SVIL: variants seen among roughly 807,000 people sequenced by gnomAD.
SVIL encodes archvillin.
In SVIL, 101 loss-of-function variants were observed where a neutral mutation model predicts 240.4. The ratio of observed to expected loss-of-function variants is 0.42; its 90% CI spans 0.36 to 0.50. SVIL has a LOEUF of 0.50. Ranked by LOEUF, SVIL falls within the 20% of genes least tolerant of loss-of-function variation. The pLI is 0.01. For missense variants in SVIL, 2,512 were observed against 2,818.7 expected, an observed-to-expected ratio of 0.89 and a Z score of 2.46; for synonymous variants, 999 against 1,100.0, an observed-to-expected ratio of 0.91 and a Z score of 1.82.
intron 17 of SVIL, among the ~76,000 whole-genome samples, chr10:29,506,677 C>T (rs61849283): frequency 0.21 from 23,949 of 112,116 alleles, 1,857 homozygotes; most frequent in African/African-American, 0.23. Context: ...GACAGAGGCC[C>T]TATGAGGGAG....
chr10:29,601,107 A>C lies in SVIL; in HGVS notation c.-200-31795T>G, dbSNP rs78908295. 9.7e-3 allele frequency among the ~76,000 whole-genome samples: 1,477 copies of C among 152,324 alleles called. 18 individuals carry two copies. The highest frequency in any genetic ancestry group is 0.017 in the Non-Finnish European group (1,124 of 68,036). ...TTGTGGTTTTCATCCTATCTCAGAA[A>C]TATGTGACTACAATTATAGACATTG... On this transcript the variant is annotated intron_variant, in intron 1 of 37. Coordinates refer to ENST00000355867, the MANE Select transcript of SVIL (RefSeq NM_021738.3).
intron 1 of SVIL, among the ~76,000 whole-genome samples, chr10:29,599,908 C>T (rs1407824875): frequency 1.3e-5 from 2 of 151,918 alleles, no homozygotes; most frequent in Non-Finnish European, 2.9e-5. Flanking sequence ...GTTTGCTATC[C>T]TAATGGAAGA....
At chr10:29,721,975 C>T (rs1397694580) in intron 1 of SVIL, among the ~76,000 whole-genome samples, 1 of 152,114 alleles carries the variant, frequency 6.6e-6, no homozygotes, top group Non-Finnish European at 1.5e-5. Context: ...TGGTGGCTCA[C>T]GCTTATAATC....
intron 1 of SVIL, among the ~76,000 whole-genome samples, chr10:29,693,256 C>A (rs745839871): frequency 3.3e-5 from 5 of 150,256 alleles, no homozygotes; most frequent in Non-Finnish European, 7.4e-5. Context: ...TGGCCCGAAT[C>A]CATAATTCTC....
intron 33 of SVIL, among the ~76,000 whole-genome samples, chr10:29,466,460 G>A (rs1310789736): frequency 6.6e-6 from 1 of 152,154 alleles, no homozygotes; most frequent in Non-Finnish European, 1.5e-5. Context: ...GGCCCGAGCT[G>A]ATACATGCTA....
At chr10:29,563,862 C>T (rs571958448) in intron 2 of SVIL, among the ~76,000 whole-genome samples, 1 of 142,602 alleles carries the variant, frequency 7.0e-6, no homozygotes, top group South Asian at 2.3e-4. Context: ...GTGGACTTTC[C>T]CCCATGTATC....
At chr10:29,707,724 A>G in intron 1 of SVIL, among the ~76,000 whole-genome samples, 1 of 152,214 alleles carries the variant, frequency 6.6e-6, no homozygotes. Flanking sequence ...TATGTTTACA[A>G]ATAATAATAG....
At chr10:29,498,093 A>AC in intron 18 of SVIL, among the ~76,000 whole-genome samples, 1 of 123,532 alleles carries the variant, frequency 8.1e-6, no homozygotes, top group Non-Finnish European at 1.5e-5. Context: ...TCCACCAAAA[A>AC]AAAAAAAAAA....
intron 2 of SVIL, among the ~76,000 whole-genome samples, chr10:29,669,794 G>A (rs1374530869): frequency 6.6e-6 from 1 of 152,180 alleles, no homozygotes; most frequent in Non-Finnish European, 1.5e-5. Context: ...TGATATTGCT[G>A]TCTGGGAGTT....
rs141585969 is a variant in SVIL at position 29,582,388 on chromosome 10, G to C, written c.-200-13076C>G. 3.2e-3 allele frequency among the ~76,000 whole-genome samples: 485 copies of C among 152,242 alleles called. 2 individuals are homozygous for C. The highest frequency in any genetic ancestry group is 4.4e-3 in the Non-Finnish European group (299 of 68,022). On this transcript the variant is annotated intron_variant, in intron 1 of 37. Coordinates refer to ENST00000355867, the MANE Select transcript of SVIL (RefSeq NM_021738.3). The stretch of plus-strand genomic sequence containing the variant: ...GAGACGCCAAGGACGATTCTGACCT[G>C]TTCAAAGCCCCAACCCACAAAGGGC...
At chr10:29,622,364 C>T (rs907785919) in intron 1 of SVIL, among the ~76,000 whole-genome samples, 1 of 151,744 alleles carries the variant, frequency 6.6e-6, no homozygotes, top group Non-Finnish European at 1.5e-5. Context: ...GTGACAAGCG[C>T]ACCATCTCTT....
intron 1 of SVIL, among the ~76,000 whole-genome samples, chr10:29,631,390 T>A (rs1236169236): frequency 6.7e-6 from 1 of 150,374 alleles, no homozygotes; most frequent in African/African-American, 2.4e-5. Flanking sequence ...ATGCCTGTAA[T>A]CCCAGCACTT....
intron 1 of SVIL, among the ~76,000 whole-genome samples, chr10:29,706,725 C>T (rs1962914975): frequency 6.6e-6 from 1 of 152,106 alleles, no homozygotes; most frequent in Non-Finnish European, 1.5e-5. Context: ...TGTCTATGTC[C>T]TGAATGGTAT....
rs534511119 is a variant in SVIL, at chr10:29,691,761, G to A, written c.-399-5110C>T. ...GACAACAAACCCCCCATCTACCCCG[G>A]CCAACAGATGCTGGAGAGCAAAGAT... On this transcript the variant is annotated intron_variant, in intron 1 of 35. Transcript: ENST00000375400. Among the ~76,000 whole-genome samples the A allele has an allele frequency of 4.6e-5, 7 of 152,170 alleles. No individual in the cohort carries two copies. In the East Asian group the frequency reaches 1.2e-3, roughly 25 times the overall value.
rs560539612 is a variant in SVIL, at chr10:29,725,489, G to A, written c.-400+10262C>T. Reference sequence around the variant, plus strand: ...GTGAGGATGAGATTTCCGAGAGCCTGTATTCATGCACACAGATGTGTCCTA... The same window carrying A: ...GTGAGGATGAGATTTCCGAGAGCCTATATTCATGCACACAGATGTGTCCTA... On this transcript the variant is annotated intron_variant, in intron 1 of 35. Transcript: ENST00000375400. Among the ~76,000 whole-genome samples, 16 of 152,280 alleles carry A rather than the reference G, an allele frequency of 1.1e-4. No individual in the cohort carries two copies. In the South Asian group the frequency reaches 2.5e-3, roughly 24 times the overall value.
chr10:29,508,941 A>G (rs530532887), intron 17 of SVIL, among the ~76,000 whole-genome samples: 1 of 152,366 alleles, frequency 6.6e-6, no homozygotes, highest in South Asian at 2.1e-4. Flanking sequence ...AACGTCGAAT[A>G]AACCGAAATA....
intron 17 of SVIL, among the ~76,000 whole-genome samples, chr10:29,500,941 A>G (rs1352584209): frequency 1.3e-5 from 2 of 152,084 alleles, no homozygotes; most frequent in African/African-American, 2.4e-5. Context: ...GAATGATGGG[A>G]GTTGACAGAG....
At chr10:29,527,275 A>G (rs1025385254) in intron 12 of SVIL, among the ~76,000 whole-genome samples, 1 of 152,226 alleles carries the variant, frequency 6.6e-6, no homozygotes, top group Admixed American at 6.5e-5. Context: ...ATGGGGTAAG[A>G]ATAGGTGTTC....
At chr10:29,505,175 A>G (rs1297459822) in intron 17 of SVIL, among the ~76,000 whole-genome samples, 1 of 151,944 alleles carries the variant, frequency 6.6e-6, no homozygotes, top group African/African-American at 2.4e-5. Flanking sequence ...ATACAAAACA[A>G]TTACCTGGGG....
Sources: gnomAD v4.1 joint callset for allele counts (sites outside exome capture counted in the v4.1 genomes callset) on GRCh38, gnomAD v4.1.1 for gene constraint, MANE v1.5 for transcripts, NCBI Gene and HGNC (gene_info 2026-07-23, HGNC 2026-07-21) for gene names.